The following NALF1 variants were observed in gnomAD, a reference collection of about 807,000 sequenced individuals.
NALF1 encodes NALCN channel auxiliary factor 1.
NALF1 carries 3 observed loss-of-function variants against 48.4 expected under a neutral mutation model. That is an observed-to-expected ratio of 0.06 (90% confidence interval 0.03 to 0.16). NALF1 has a LOEUF of 0.16. Ranked by LOEUF, NALF1 falls within the 10% of genes least tolerant of loss-of-function variation. The pLI is 1.00. For missense variants in NALF1, 526 were observed against 571.5 expected, an observed-to-expected ratio of 0.92 and a Z score of 0.81; for synonymous variants, 262 against 245.7, an observed-to-expected ratio of 1.07 and a Z score of -0.62.
intron 1 of NALF1, among the ~76,000 whole-genome samples, chr13:107,744,213 T>C (rs1876715991): frequency 6.6e-6 from 1 of 152,190 alleles, no homozygotes; most frequent in African/African-American, 2.4e-5. Context: ...GCAAGCTGTT[T>C]AAGCCCTCTG....
chr13:107,231,409 C>T (rs1880222400), intron 1 of NALF1, among the ~76,000 whole-genome samples: 1 of 152,130 alleles, frequency 6.6e-6, no homozygotes. Flanking sequence ...GATCGTGGTT[C>T]TCTTCATGGT....
intron 1 of NALF1, among the ~76,000 whole-genome samples, chr13:107,488,373 A>T (rs1885363401): frequency 6.6e-6 from 1 of 151,824 alleles, no homozygotes; most frequent in South Asian, 2.1e-4. Context: ...TTAGGTTATT[A>T]ACTTGAGATC....
chr13:107,429,426 G>A (rs535029940), intron 1 of NALF1, among the ~76,000 whole-genome samples: 7 of 151,748 alleles, frequency 4.6e-5, no homozygotes, highest in African/African-American at 7.3e-5. Context: ...AGCACCAATC[G>A]CTAAAATAAT....
intron 1 of NALF1, among the ~76,000 whole-genome samples, chr13:107,440,224 C>T (rs149970143): frequency 0.011 from 1,708 of 152,124 alleles, 11 homozygotes; most frequent in South Asian, 0.03. Flanking sequence ...AACACTTTGT[C>T]GACAAGAGTG....
Position 107,210,633 on chromosome 13 carries a change from G to A in NALF1, c.1038C>T (p.Pro346=), listed in dbSNP as rs370136232. The change falls in exon 2 of 3, where the codon CCC becomes CCT. Residue 346 remains proline, a synonymous_variant. Coordinates refer to ENST00000375915, the MANE Select transcript of NALF1 (RefSeq NM_001080396.3). ...CTCCGTAGATGACTTCATCATTGTC[G>A]GGCAATATAAATGGACACCTCGTCT... The part of the protein sequence containing the change: ...EVQTRCPFIL[P]DNDEVIYGGL... 9.3e-6 allele frequency: 15 copies of A among 1,613,194 alleles called. No individual in the cohort carries two copies. The South Asian group carries it at 9.9e-5, about 11-fold the overall frequency.
At chr13:107,733,007 A>C (rs968340632) in intron 1 of NALF1, among the ~76,000 whole-genome samples, 1 of 152,168 alleles carries the variant, frequency 6.6e-6, no homozygotes, top group Non-Finnish European at 1.5e-5. Context: ...ATATTGTGCT[A>C]ATTTCATGGA....
At chr13:107,698,190 A>G (rs1211660647) in intron 1 of NALF1, among the ~76,000 whole-genome samples, 1 of 152,140 alleles carries the variant, frequency 6.6e-6, no homozygotes, top group Non-Finnish European at 1.5e-5. Flanking sequence ...TAGAAATTTA[A>G]GTTGTTTCCC....
chr13:107,691,871 A>C (rs982723955), intron 1 of NALF1, among the ~76,000 whole-genome samples: 1 of 152,224 alleles, frequency 6.6e-6, no homozygotes, highest in African/African-American at 2.4e-5. Context: ...TGTTTTCTTA[A>C]AAACTGTTTA....
At chr13:107,783,814 G>A (rs1157248360) in intron 1 of NALF1, among the ~76,000 whole-genome samples, 1 of 147,292 alleles carries the variant, frequency 6.8e-6, no homozygotes, top group Non-Finnish European at 1.5e-5. Context: ...ATTGTCCTAT[G>A]ACCCTGCCAA....
intron 1 of NALF1, among the ~76,000 whole-genome samples, chr13:107,629,460 C>T (rs113922677): frequency 6.6e-6 from 1 of 152,138 alleles, no homozygotes; most frequent in Non-Finnish European, 1.5e-5. Context: ...CTAAACTATG[C>T]TTTTGATGCA....
intron 1 of NALF1, among the ~76,000 whole-genome samples, chr13:107,663,458 A>C (rs752268939): frequency 1.3e-5 from 2 of 152,206 alleles, no homozygotes; most frequent in Non-Finnish European, 2.9e-5. Context: ...TCTTCGGTTA[A>C]AGGTTAAAAA....
intron 1 of NALF1, among the ~76,000 whole-genome samples, chr13:107,817,503 G>A (rs1316457239): frequency 1.3e-5 from 2 of 152,198 alleles, no homozygotes; most frequent in Non-Finnish European, 2.9e-5. Context: ...TCTAGGGAGT[G>A]CCGGGATTTT....
chr13:107,683,402 A>G (rs925616330), intron 1 of NALF1, among the ~76,000 whole-genome samples: 3 of 152,244 alleles, frequency 2.0e-5, no homozygotes, highest in Non-Finnish European at 4.4e-5. Flanking sequence ...GAGAGTTCCC[A>G]TGCCATATCT....
chr13:107,452,624 C>G (rs1884761637), intron 1 of NALF1, among the ~76,000 whole-genome samples: 1 of 152,136 alleles, frequency 6.6e-6, no homozygotes, highest in Non-Finnish European at 1.5e-5. Flanking sequence ...AAAGCCTAAC[C>G]ACATAATTCT....
chr13:107,393,466 C>T (rs777757807), intron 1 of NALF1, among the ~76,000 whole-genome samples: 7 of 152,080 alleles, frequency 4.6e-5, no homozygotes, highest in Admixed American at 2.6e-4. Context: ...CTCTGAGACA[C>T]GAACAAATTA....
chr13:107,744,839 A>C (rs1366784251), intron 1 of NALF1, among the ~76,000 whole-genome samples: 3 of 152,246 alleles, frequency 2.0e-5, no homozygotes, highest in Admixed American at 2.0e-4. Context: ...AGTGTCTAAG[A>C]GTGAAAGCCT....
chr13:107,191,406 T>C (rs560713094), intron 2 of NALF1, among the ~76,000 whole-genome samples: 5 of 152,232 alleles, frequency 3.3e-5, no homozygotes, highest in Non-Finnish European at 7.3e-5. Flanking sequence ...GCAGTCATTC[T>C]TGTGATAGTT....
At chr13:107,865,560 C>A (rs1253631155) in intron 1 of NALF1, 122 bp downstream of exon 1, 24 of 1,332,754 alleles carry the variant, frequency 1.8e-5, no homozygotes, top group Non-Finnish European at 2.0e-5. Context: ...TCTTAATAAC[C>A]GCAGAAAACA....
chr13:107,841,009 A>G (rs1220197794), intron 1 of NALF1, among the ~76,000 whole-genome samples: 3 of 152,122 alleles, frequency 2.0e-5, no homozygotes, highest in African/African-American at 7.2e-5. Flanking sequence ...ATCATTTTAA[A>G]CAACTCTATT....
Sources: gnomAD v4.1 joint callset for allele counts (sites outside exome capture counted in the v4.1 genomes callset) on GRCh38, gnomAD v4.1.1 for gene constraint, MANE v1.5 for transcripts, NCBI Gene and HGNC (gene_info 2026-07-23, HGNC 2026-07-21) for gene names.